Variants in HERC4 observed in about 807,000 individuals in gnomAD.
HERC4 encodes probable E3 ubiquitin-protein ligase HERC4.
Under a neutral mutation model 124.3 loss-of-function variants are expected in HERC4, and 28 were observed. The observed-to-expected ratio is 0.23, with a 90% CI of 0.17 to 0.31. HERC4 has a LOEUF of 0.31. Among genes scored for constraint, HERC4 ranks in the 10% least tolerant of loss-of-function variants. HERC4 has a pLI of 1.00. For missense variants in HERC4, 713 were observed against 1,229.3 expected, an observed-to-expected ratio of 0.58 and a Z score of 6.28; for synonymous variants, 407 against 421.5, an observed-to-expected ratio of 0.97 and a Z score of 0.42.
chr10:68,048,222 C>G (rs1233649748), intron 3 of HERC4, among the ~76,000 whole-genome samples: 2 of 152,154 alleles, frequency 1.3e-5, no homozygotes, highest in Non-Finnish European at 2.9e-5. Flanking sequence ...ACCCAGCCCA[C>G]ACAGAAGTTT....
intron 23 of HERC4, among the ~76,000 whole-genome samples, chr10:67,931,914 C>A (rs1310124390): frequency 6.6e-6 from 1 of 152,258 alleles, no homozygotes. Context: ...GTGTTTGCTA[C>A]CACATCTGGC....
At position 67,956,973 on chromosome 10, in the gene HERC4, C is replaced by A; in HGVS notation, c.1930G>T (p.Ala644Ser). The change falls in exon 17 of 25, where the codon GCA becomes TCA. Residue 644 changes from alanine to serine, a missense_variant. Coordinates refer to ENST00000373700, the MANE Select transcript of HERC4 (RefSeq NM_015601.4). The part of the protein sequence containing the change: ...WVQQQAYGML[A>S]DIPVTICTYP... ...GTACAGATTGTAACAGGGATATCTGCCAACTGGAAATAAAAAATTAACTTA... is the reference window on the plus strand; with the variant it reads ...GTACAGATTGTAACAGGGATATCTGACAACTGGAAATAAAAAATTAACTTA... 6.5e-7 allele frequency: 1 copy of A among 1,543,804 alleles called. No individual in the cohort carries two copies. Among genetic ancestry groups the A allele is most frequent in the East Asian group, 2.3e-5 (1 of 43,722 alleles).
At chr10:68,072,790 CAT>C (rs1158430979) in intron 3 of HERC4, 91 bp downstream of exon 3, 33 of 843,458 alleles carry the variant, frequency 3.9e-5, no homozygotes, top group Non-Finnish European at 5.3e-5. Context: ...GCTTGATAAA[CAT>C]ATAGTTACAA....
chr10:68,044,743 T>C (rs1046578434), intron 3 of HERC4, among the ~76,000 whole-genome samples, 180 bp from the exon 4 acceptor site: 3 of 152,166 alleles, frequency 2.0e-5, no homozygotes, highest in Admixed American at 2.0e-4. Context: ...ATTCAACAAA[T>C]ATGTTCCAAA....
rs2036517410 is a variant in HERC4, at chr10:67,990,936, T to A, written c.1411A>T (p.Ile471Leu). The A allele has an allele frequency of 3.1e-6, 5 of 1,608,274 alleles. No homozygotes were observed. In the East Asian group the frequency reaches 1.1e-4, roughly 36 times the overall value. The change falls in exon 13 of 25, where the codon ATA (isoleucine) becomes TTA (leucine). Residue 471 changes from isoleucine (I) to leucine (L), a missense_variant. Coordinates refer to ENST00000373700, the MANE Select transcript of HERC4 (RefSeq NM_015601.4). ...GATATCTGCGGATGATCAGGTTGTATAAGTTTGTGGAATAAAAGCCTAGCA... is the reference window on the plus strand; with the variant it reads ...GATATCTGCGGATGATCAGGTTGTAAAAGTTTGTGGAATAAAAGCCTAGCA... ...NAARLLFHKL[I>L]QPDHPQISQQ... is the part of the protein sequence containing the mutation.
At position 67,999,549 on chromosome 10, in the gene HERC4, A is replaced by G. The variant is rs79539200; in HGVS notation, c.1070-6867T>C. ...AGGGTTCTGAAGAGATCTCTCTTAC[A>G]TAACTTTCAAAACGTAGCAGTGAAG... On this transcript the variant is annotated intron_variant, in intron 9 of 24. Transcript: ENST00000373700. 3.0e-4 allele frequency among the ~76,000 whole-genome samples: 45 copies of G among 152,350 alleles called. 1 individual carries two copies. In the East Asian group the frequency reaches 8.5e-3, roughly 29 times the overall value.
At position 68,010,369 on chromosome 10, in the gene HERC4, GTGCC is replaced by G. The variant is rs1589314333; in HGVS notation, c.1069+3653_1069+3656del. Reference sequence around the variant, plus strand: ...CCTGAGGCCATAGGAAAGGACACTGGTGCCCCTGAGAAAGGAGACCCAGCAGCCT... The same window carrying G: ...CCTGAGGCCATAGGAAAGGACACTGGCCTGAGAAAGGAGACCCAGCAGCCT... On this transcript the variant is annotated intron_variant, in intron 9 of 24. Coordinates refer to ENST00000373700, the MANE Select transcript of HERC4 (RefSeq NM_015601.4). 6 of 948,970 alleles carry G rather than the reference GTGCC, an allele frequency of 6.3e-6. No homozygotes were observed. In the East Asian group the frequency reaches 1.6e-4, roughly 25 times the overall value. 58.8% of individuals were successfully genotyped at this position (948,970 alleles called of 1,614,324 possible). A position where few individuals can be genotyped will look rare whatever the true frequency, so the allele number is the denominator to read the frequency against.
chr10:67,981,864 C>CG (rs957978079), intron 15 of HERC4, among the ~76,000 whole-genome samples: 10 of 152,080 alleles, frequency 6.6e-5, no homozygotes, highest in South Asian at 2.1e-4. Flanking sequence ...TCACTTGAAT[C>CG]GGGGGGGTGG....
intron 3 of HERC4, among the ~76,000 whole-genome samples, chr10:68,060,822 T>C (rs749445855): frequency 2.6e-5 from 4 of 152,144 alleles, no homozygotes; most frequent in African/African-American, 9.7e-5. Flanking sequence ...TAAGCAATAC[T>C]TGGATTAGAA....
At chr10:68,025,409 A>T (rs2038850113) in intron 8 of HERC4, 137 bp downstream of exon 8, 2 of 840,608 alleles carry the variant, frequency 2.4e-6, no homozygotes, top group Non-Finnish European at 1.8e-6. Context: ...TGTTACTATG[A>T]CTCCTCAGTG....
At chr10:67,952,620 C>G (rs993651687) in intron 19 of HERC4, among the ~76,000 whole-genome samples, 1 of 149,878 alleles carries the variant, frequency 6.7e-6, no homozygotes, top group Admixed American at 6.7e-5. Context: ...AATTGGAGGC[C>G]GGGCGCGGTG....
chr10:67,933,931 ATCCTTTGGACCAAC>A (rs1231485189), intron 22 of HERC4, among the ~76,000 whole-genome samples: 1 of 152,186 alleles, frequency 6.6e-6, no homozygotes, highest in Non-Finnish European at 1.5e-5. Flanking sequence ...TAGGATTATA[ATCCTTTGGACCAAC>A]TCCCTGGCAA....
At chr10:67,976,094 A>G (rs1371502554) in intron 15 of HERC4, among the ~76,000 whole-genome samples, 1 of 151,288 alleles carries the variant, frequency 6.6e-6, no homozygotes, top group Admixed American at 6.6e-5. Context: ...CATGCTGTCC[A>G]CAGTGGAGTT....
At chr10:67,985,679 A>G (rs2036220308) in intron 15 of HERC4, among the ~76,000 whole-genome samples, 1 of 152,242 alleles carries the variant, frequency 6.6e-6, no homozygotes, top group Non-Finnish European at 1.5e-5. Context: ...GGAACTCGGA[A>G]ACTACTAAAT....
At chr10:67,998,459 A>G (rs1039179886) in intron 9 of HERC4, among the ~76,000 whole-genome samples, 2 of 147,602 alleles carry the variant, frequency 1.4e-5, no homozygotes, top group Admixed American at 1.4e-4. Flanking sequence ...AGGCAGGAGA[A>G]TTGCTTGAAT....
At chr10:67,960,970 C>T in intron 16 of HERC4, 2 of 359,676 alleles carry the variant, frequency 5.6e-6, no homozygotes, top group Non-Finnish European at 1.1e-5. Flanking sequence ...TCATGATTTT[C>T]ATCACTTTCT....
chr10:67,932,055 T>C (rs974313376), intron 23 of HERC4, among the ~76,000 whole-genome samples: 2 of 152,120 alleles, frequency 1.3e-5, no homozygotes, highest in Admixed American at 1.3e-4. Context: ...CCTCCCAGGT[T>C]CAAGAGACTC....
At chr10:67,968,780 C>CA (rs2035052841) in intron 15 of HERC4, among the ~76,000 whole-genome samples, 1 of 152,016 alleles carries the variant, frequency 6.6e-6, no homozygotes. Context: ...TCACAACAAT[C>CA]CAAAAACAGC....
At position 68,025,558 on chromosome 10, in the gene HERC4, A is replaced by G; in HGVS notation, c.896T>C (p.Ile299Thr). 1 of 1,613,480 alleles carries G rather than the reference A, an allele frequency of 6.2e-7. No homozygotes were observed. ...CATAACACCTTACCGTCCACAAGCA[A>G]TCTCAGTGACAATGCTTCCCATAAG... is the stretch of plus-strand genomic sequence containing the variant. The part of the protein sequence containing the change: ...FELMGSIVTE[I>T]ACGRQHTSAF... Residue 299 changes from isoleucine to threonine, a missense_variant, in exon 8 of 25, where the codon ATT becomes ACT. Coordinates refer to ENST00000373700, the MANE Select transcript of HERC4 (RefSeq NM_015601.4).
Sources: gnomAD v4.1 joint callset for allele counts (sites outside exome capture counted in the v4.1 genomes callset) on GRCh38, gnomAD v4.1.1 for gene constraint, MANE v1.5 for transcripts, NCBI Gene and HGNC (gene_info 2026-07-23, HGNC 2026-07-21) for gene names.